CDIN1: variants seen among roughly 807,000 people sequenced by gnomAD.
CDIN1 encodes CDAN1 interacting nuclease 1, also known as CDAN1-interacting nuclease 1.
Under a neutral mutation model 45.3 loss-of-function variants are expected in CDIN1, and 33 were observed. The ratio of observed to expected loss-of-function variants is 0.73; its 90% CI spans 0.55 to 0.97. The LOEUF is 0.97. CDIN1 is among the 50% of genes least tolerant of loss of function. The probability of loss-of-function intolerance (pLI) is 0.00; values close to 1 mark genes in which losing one functional copy is unlikely to be tolerated. For missense variants in CDIN1, 303 were observed against 339.4 expected, an observed-to-expected ratio of 0.89 and a Z score of 0.84; for synonymous variants, 118 against 124.4, an observed-to-expected ratio of 0.95 and a Z score of 0.34.
intron 10 of CDIN1, among the ~76,000 whole-genome samples, chr15:36,770,738 C>T (rs937541073): frequency 6.6e-6 from 1 of 152,120 alleles, no homozygotes; most frequent in African/African-American, 2.4e-5. Context: ...CGTGAGCCAC[C>T]ACGCCGAGCC....
chr15:36,767,123 T>C (rs76908693), intron 10 of CDIN1, among the ~76,000 whole-genome samples: 6,061 of 152,146 alleles, frequency 0.04, 159 homozygotes, highest in Middle Eastern at 0.078. Flanking sequence ...TGGTGTAAGA[T>C]AAGGGTCCAA....
chr15:36,789,489 A>C (rs10444867), intron 10 of CDIN1, among the ~76,000 whole-genome samples: 130,993 of 152,152 alleles, frequency 0.86, 59,855 homozygotes, highest in Non-Finnish European at 1. Flanking sequence ...TTGTTAAAAA[A>C]TTAATGGGTG....
intron 10 of CDIN1, among the ~76,000 whole-genome samples, chr15:36,794,383 C>T (rs1054673656): frequency 6.6e-6 from 1 of 152,148 alleles, no homozygotes; most frequent in African/African-American, 2.4e-5. Context: ...AGCATGTTTA[C>T]ATTTTTGTGC....
intron 10 of CDIN1, among the ~76,000 whole-genome samples, chr15:36,714,536 A>G (rs1483726600): frequency 6.6e-6 from 1 of 152,170 alleles, no homozygotes; most frequent in African/African-American, 2.4e-5. Context: ...AATAAAATAT[A>G]TTCTATTCTA....
intron 10 of CDIN1, among the ~76,000 whole-genome samples, chr15:36,720,666 C>T (rs933599154): frequency 6.6e-6 from 1 of 152,152 alleles, no homozygotes; most frequent in Non-Finnish European, 1.5e-5. Flanking sequence ...TTTTCTTAAT[C>T]CAGTCTATCA....
intron 10 of CDIN1, among the ~76,000 whole-genome samples, chr15:36,727,065 A>G (rs79216758): frequency 0.039 from 5,945 of 152,144 alleles, 407 homozygotes; most frequent in African/African-American, 0.13. Context: ...CATTGTGGTG[A>G]GAAAAAAATA....
At chr15:36,714,534 ATATTC>A (rs2043158397) in intron 10 of CDIN1, among the ~76,000 whole-genome samples, 1 of 152,170 alleles carries the variant, frequency 6.6e-6, no homozygotes, top group Non-Finnish European at 1.5e-5. Flanking sequence ...TAAATAAAAT[ATATTC>A]TATTCTACAT....
chr15:36,697,838 G>A (rs1316603408), intron 8 of CDIN1, among the ~76,000 whole-genome samples: 1 of 152,060 alleles, frequency 6.6e-6, no homozygotes, highest in African/African-American at 2.4e-5. Flanking sequence ...CATGCCAAAC[G>A]TTCATTGGCA....
intron 5 of CDIN1, among the ~76,000 whole-genome samples, chr15:36,659,722 A>G (rs1320948457): frequency 6.6e-6 from 1 of 150,418 alleles, no homozygotes; most frequent in African/African-American, 2.4e-5. Flanking sequence ...TTAACTCCCT[A>G]TTTGCCAGTA....
Position 36,579,695 on chromosome 15 carries a change from C to G in CDIN1, c.-166C>G, listed in dbSNP as rs544738069. The G allele has an allele frequency of 1.7e-6, 1 of 582,210 alleles. No individual in the cohort carries two copies. Among genetic ancestry groups the G allele is most frequent in the African/African-American group, 1.9e-5 (1 of 53,348 alleles). 36.1% of individuals were successfully genotyped at this position (582,210 alleles called of 1,614,324 possible). A position where few individuals can be genotyped will look rare whatever the true frequency, so the allele number is the denominator to read the frequency against. On this transcript the variant is annotated 5_prime_UTR_variant, in exon 1 of 11. Transcript: ENST00000566621. ...CCTGGGACCGGGCGAGTCTCCGCCCCGCTTTTGCAGCTAGGGGTGTGTTTC... is the reference window on the plus strand; with the variant it reads ...CCTGGGACCGGGCGAGTCTCCGCCCGGCTTTTGCAGCTAGGGGTGTGTTTC...
chr15:36,661,706 C>A (rs2041023328), intron 5 of CDIN1, among the ~76,000 whole-genome samples: 1 of 152,080 alleles, frequency 6.6e-6, no homozygotes. Flanking sequence ...AGCACAGGTC[C>A]TGCTCCCTAT....
Position 36,809,095 on chromosome 15 carries a change from C to T in CDIN1, c.*642C>T, listed in dbSNP as rs2141162061. 1 of 349,336 alleles carries T rather than the reference C, an allele frequency of 2.9e-6. No homozygotes were observed. Among genetic ancestry groups the T allele is most frequent in the African/African-American group, 2.2e-5 (1 of 46,358 alleles). The allele number at this position is 349,336 out of a possible 1,614,324, so 21.6% of individuals were successfully genotyped here. ...GACTTCTGTGACAGTAAGCCAAGTG[C>T]AAAAATACACTTGATGAGAATTTCC... On this transcript the variant is annotated 3_prime_UTR_variant, in exon 11 of 11. Coordinates refer to ENST00000566621, the MANE Select transcript of CDIN1 (RefSeq NM_001321759.2).
At chr15:36,797,768 T>C (rs1307412719) in intron 10 of CDIN1, among the ~76,000 whole-genome samples, 6 of 151,930 alleles carry the variant, frequency 3.9e-5, no homozygotes, top group Non-Finnish European at 7.4e-5. Context: ...TCACCTGAGG[T>C]GAGGCGTTCA....
chr15:36,726,295 C>T (rs1048774959), intron 10 of CDIN1, among the ~76,000 whole-genome samples: 1 of 152,182 alleles, frequency 6.6e-6, no homozygotes, highest in Non-Finnish European at 1.5e-5. Context: ...TGCCCACTAT[C>T]AGCTGAGCAC....
intron 10 of CDIN1, among the ~76,000 whole-genome samples, chr15:36,787,204 G>T (rs1411983361): frequency 6.6e-6 from 1 of 152,084 alleles, no homozygotes; most frequent in Non-Finnish European, 1.5e-5. Context: ...GAAGTACCAG[G>T]CATGGATGCC....
At chr15:36,596,172 G>A (rs4923718) in intron 1 of CDIN1, among the ~76,000 whole-genome samples, 1,584 of 87,324 alleles carry the variant, frequency 0.018, 102 homozygotes, top group Admixed American at 0.16. Flanking sequence ...TCTTGTTGAT[G>A]TGAAAAAAAA....
intron 10 of CDIN1, among the ~76,000 whole-genome samples, chr15:36,729,011 A>G (rs2043745198): frequency 6.6e-6 from 1 of 152,216 alleles, no homozygotes; most frequent in Non-Finnish European, 1.5e-5. Context: ...CTGGAAAAGC[A>G]TTTGGAATGA....
intron 10 of CDIN1, among the ~76,000 whole-genome samples, chr15:36,767,274 T>C (rs1209905249): frequency 6.6e-6 from 1 of 152,160 alleles, no homozygotes; most frequent in Non-Finnish European, 1.5e-5. Flanking sequence ...TGGAATAAAA[T>C]TGTCTCAGTC....
chr15:36,702,169 C>G, intron 8 of CDIN1: 2 of 700,690 alleles, frequency 2.9e-6, no homozygotes, highest in South Asian at 3.0e-5. Context: ...CATAAGGAAT[C>G]CACCATTTAA....
Sources: gnomAD v4.1 joint callset for allele counts (sites outside exome capture counted in the v4.1 genomes callset) on GRCh38, gnomAD v4.1.1 for gene constraint, MANE v1.5 for transcripts, NCBI Gene and HGNC (gene_info 2026-07-23, HGNC 2026-07-21) for gene names.